Variants in DUSP16 observed in about 807,000 individuals in gnomAD.
DUSP16 encodes dual specificity protein phosphatase 16.
Under a neutral mutation model 58.3 loss-of-function variants are expected in DUSP16, and 21 were observed. The ratio of observed to expected loss-of-function variants is 0.36; its 90% CI spans 0.26 to 0.52. The LOEUF (loss-of-function observed/expected upper bound fraction) is 0.52. DUSP16 is among the 20% of genes least tolerant of loss of function. The pLI, the probability that DUSP16 is intolerant of heterozygous loss-of-function variation, is 0.94. For synonymous variants in DUSP16, 320 were observed against 323.8 expected (o/e 0.99, Z 0.12); for missense variants, 726 against 819.0 (o/e 0.89, Z 1.39).
In DUSP16 at chr12:12,557,447, C is replaced by A. The variant is rs1435102444; in HGVS notation, c.-366+4670G>T. ...ACTCCAGCCTGGCGACAGAGCAAGA[C>A]TCCGTCTCAAAAAAAAAAAAAAAAA... is the stretch of plus-strand genomic sequence containing the variant. On this transcript the variant is annotated intron_variant, in intron 1 of 6. Transcript: ENST00000298573. Among the ~76,000 whole-genome samples, 4 of 147,094 alleles carry A rather than the reference C, an allele frequency of 2.7e-5. No individual in the cohort carries two copies. In the East Asian group the frequency reaches 5.9e-4, roughly 22 times the overall value.
intron 1 of DUSP16, among the ~76,000 whole-genome samples, chr12:12,535,798 G>A (rs1016435060): frequency 7.9e-5 from 12 of 152,192 alleles, no homozygotes; most frequent in African/African-American, 2.9e-4. Context: ...AAAGAAAATA[G>A]GGACATGAAC....
chr12:12,529,420 A>G (rs932408408), intron 1 of DUSP16, among the ~76,000 whole-genome samples: 5 of 152,186 alleles, frequency 3.3e-5, no homozygotes, highest in Non-Finnish European at 5.9e-5. Context: ...AAACTTTTTA[A>G]ATTAATGGAT....
In DUSP16 at chr12:12,562,768, C is replaced by T. The variant is rs543444070; in HGVS notation, c.-1017G>A. Reference sequence around the variant, plus strand: ...CGGGCGGGGCCGCGCGCTCGCCCATCCCGCGGCCGCCCGAGCCCGGAGCGC... The same window carrying T: ...CGGGCGGGGCCGCGCGCTCGCCCATTCCGCGGCCGCCCGAGCCCGGAGCGC... On this transcript the variant is annotated 5_prime_UTR_variant, in exon 1 of 7. Coordinates refer to ENST00000298573, the MANE Select transcript of DUSP16 (RefSeq NM_030640.3). Among the ~76,000 whole-genome samples, 72 of 151,456 alleles carry T rather than the reference C, an allele frequency of 4.8e-4. No homozygotes were observed. The highest frequency in any genetic ancestry group is 3.4e-3 in the Middle Eastern group (1 of 292).
rs979253903 is a variant in DUSP16 at position 12,475,344 on chromosome 12, G to A, written c.*1489C>T. 2 of 151,976 alleles carry A rather than the reference G, an allele frequency of 1.3e-5. No individual in the cohort carries two copies. The highest frequency in any genetic ancestry group is 2.9e-5 in the Non-Finnish European group (2 of 68,052). 9.4% of individuals were successfully genotyped at this position (151,976 alleles called of 1,614,324 possible). On this transcript the variant is annotated 3_prime_UTR_variant, in exon 7 of 7. Coordinates refer to ENST00000298573, the MANE Select transcript of DUSP16 (RefSeq NM_030640.3). ...TGAAAGCCAATCTGCACTATCACTT[G>A]TTCCAGTGACCTCCTATGTTCAGCT... is the stretch of plus-strand genomic sequence containing the variant.
rs1024608373 is a variant in DUSP16 at position 12,473,846 on chromosome 12, C to T, written c.*2987G>A. On this transcript the variant is annotated 3_prime_UTR_variant, in exon 7 of 7. Coordinates refer to ENST00000298573, the MANE Select transcript of DUSP16 (RefSeq NM_030640.3). ...CCCTTCCTGTTTTTCCTGTAGGAATCGTAACATCATTTACATGTTATATCG... is the reference window on the plus strand; with the variant it reads ...CCCTTCCTGTTTTTCCTGTAGGAATTGTAACATCATTTACATGTTATATCG... 6.6e-6 allele frequency among the ~76,000 whole-genome samples: 1 copy of T among 152,194 alleles called. No individual in the cohort carries two copies. Among genetic ancestry groups the T allele is most frequent in the African/African-American group, 2.4e-5 (1 of 41,430 alleles).
At chr12:12,505,477 T>A (rs1160435906) in intron 3 of DUSP16, among the ~76,000 whole-genome samples, 1 of 152,252 alleles carries the variant, frequency 6.6e-6, no homozygotes, top group Non-Finnish European at 1.5e-5. Flanking sequence ...AGTTTACAGA[T>A]GAACTGGTTG....
intron 5 of DUSP16, among the ~76,000 whole-genome samples, chr12:12,484,572 A>G (rs368210909): frequency 4.6e-5 from 7 of 152,182 alleles, no homozygotes; most frequent in African/African-American, 1.7e-4. Context: ...ATTAGAGCCA[A>G]TGTCTCTGGA....
At chr12:12,517,556 C>G (rs747644935) in intron 3 of DUSP16, among the ~76,000 whole-genome samples, 1 of 152,198 alleles carries the variant, frequency 6.6e-6, no homozygotes, top group Non-Finnish European at 1.5e-5. Flanking sequence ...ATACTGTTAT[C>G]CACTTACCCC....
At chr12:12,550,638 C>T (rs1338745852) in intron 1 of DUSP16, among the ~76,000 whole-genome samples, 1 of 152,100 alleles carries the variant, frequency 6.6e-6, no homozygotes, top group African/African-American at 2.4e-5. Context: ...CATGTTCTCA[C>T]TCATAAGTGA....
chr12:12,481,355 C>T (rs1943561312), intron 5 of DUSP16, among the ~76,000 whole-genome samples: 1 of 152,184 alleles, frequency 6.6e-6, no homozygotes, highest in African/African-American at 2.4e-5. Context: ...AAGCTACTAA[C>T]ATTCTGGCCA....
chr12:12,480,235 T>G lies in DUSP16; in HGVS notation c.803A>C (p.Asp268Ala). The G allele has an allele frequency of 6.2e-7, 1 of 1,614,120 alleles. No homozygotes were observed. The highest frequency in any genetic ancestry group is 8.5e-7 in the Non-Finnish European group (1 of 1,180,012). Residue 268 changes from aspartate (D) to alanine (A), a missense_variant, in exon 6 of 7, where the codon GAT becomes GCT. Coordinates refer to ENST00000298573, the MANE Select transcript of DUSP16 (RefSeq NM_030640.3). ...TTCCTGCCCTCACCTGTAAGCTTCA[T>G]CTAAAGACATGTCCATCCTCTTCAT... is the stretch of plus-strand genomic sequence containing the variant. ...YIMKRMDMSL[D>A]EAYRFVKEKR...
At chr12:12,483,376 T>C (rs906220019) in intron 5 of DUSP16, among the ~76,000 whole-genome samples, 3 of 152,228 alleles carry the variant, frequency 2.0e-5, no homozygotes, top group African/African-American at 7.2e-5. Flanking sequence ...TATTTTTATT[T>C]TATCTTTTTG....
intron 3 of DUSP16, among the ~76,000 whole-genome samples, chr12:12,502,883 C>T (rs751474080): frequency 1.1e-4 from 16 of 152,118 alleles, no homozygotes; most frequent in South Asian, 4.1e-4. Flanking sequence ...ATTTCCATGC[C>T]GTTCTCTTGT....
chr12:12,484,573 T>C (rs1437534350), intron 5 of DUSP16, among the ~76,000 whole-genome samples: 8 of 152,214 alleles, frequency 5.3e-5, no homozygotes, highest in African/African-American at 1.9e-4. Flanking sequence ...TTAGAGCCAA[T>C]GTCTCTGGAA....
chr12:12,501,745 A>C (rs1327292006), intron 3 of DUSP16, among the ~76,000 whole-genome samples: 2 of 152,104 alleles, frequency 1.3e-5, no homozygotes, highest in African/African-American at 4.8e-5. Context: ...TAATCCCCGC[A>C]CTTTGGGAGG....
At chr12:12,511,803 G>A (rs1338264066) in intron 3 of DUSP16, among the ~76,000 whole-genome samples, 3 of 151,330 alleles carry the variant, frequency 2.0e-5, no homozygotes, top group East Asian at 2.0e-4. Context: ...AGCCATGGAG[G>A]CACCCATCAA....
In DUSP16 at chr12:12,562,519, T is replaced by G. The variant is rs1275481091; in HGVS notation, c.-768A>C. On this transcript the variant is annotated 5_prime_UTR_variant, in exon 1 of 7. Coordinates refer to ENST00000298573, the MANE Select transcript of DUSP16 (RefSeq NM_030640.3). ...TGGTAATAATCGTTTAAAAACTGAT[T>G]AAAGCCCCCCAAACACTGATACATA... is the stretch of plus-strand genomic sequence containing the variant. The G allele has an allele frequency of 9.0e-6, 1 of 110,740 alleles. No homozygotes were observed. The highest frequency in any genetic ancestry group is 3.3e-4 in the East Asian group (1 of 3,072). 6.9% of individuals were successfully genotyped at this position (110,740 alleles called of 1,614,324 possible).
intron 4 of DUSP16, among the ~76,000 whole-genome samples, chr12:12,497,444 C>T (rs973639676): frequency 6.6e-6 from 1 of 152,126 alleles, no homozygotes; most frequent in Non-Finnish European, 1.5e-5. Flanking sequence ...CTTAAAATTA[C>T]AGCAGCCTCG....
chr12:12,490,857 C>G (rs772602280), intron 4 of DUSP16, among the ~76,000 whole-genome samples: 26 of 152,198 alleles, frequency 1.7e-4, no homozygotes, highest in Non-Finnish European at 2.6e-4. Context: ...AAACACCTGA[C>G]TTAGGTCACA....
Sources: allele counts gnomAD v4.1 joint callset (sites outside exome capture counted in the v4.1 genomes callset), GRCh38; gene constraint gnomAD v4.1.1; transcripts MANE v1.5; gene names NCBI Gene and HGNC (gene_info 2026-07-23, HGNC 2026-07-21).